The following GSE1 variants were observed in gnomAD, a reference collection of about 807,000 sequenced individuals.
The protein encoded by GSE1 is genetic suppressor element 1.
In GSE1, 32 loss-of-function variants were observed where a neutral mutation model predicts 112.6. The observed-to-expected ratio is 0.28, with a 90% CI of 0.21 to 0.38. The LOEUF is 0.38. GSE1 is among the 10% of genes least tolerant of loss of function. The probability of loss-of-function intolerance (pLI) is 1.00; values close to 1 mark genes in which losing one functional copy is unlikely to be tolerated. For missense variants in GSE1, 2,348 were observed against 1,699.2 expected (o/e 1.38, Z -6.71); for synonymous variants, 1,115 against 735.6 (o/e 1.52, Z -8.35).
chr16:85,408,492 T>C (rs1453549661), intron 2 of GSE1, among the ~76,000 whole-genome samples: 3 of 52,516 alleles, frequency 5.7e-5, no homozygotes, highest in African/African-American at 1.6e-4. Context: ...TCAGGGCACC[T>C]GGATAATCCT....
intron 2 of GSE1, among the ~76,000 whole-genome samples, chr16:85,412,916 C>T (rs1025842927): frequency 3.9e-5 from 6 of 152,224 alleles, no homozygotes; most frequent in Non-Finnish European, 8.8e-5. Flanking sequence ...CAGCCCACCC[C>T]AGCCCCTGTG....
intron 1 of GSE1, among the ~76,000 whole-genome samples, chr16:85,220,563 C>T (rs1375091588): frequency 1.3e-5 from 2 of 152,168 alleles, no homozygotes; most frequent in Non-Finnish European, 2.9e-5. Flanking sequence ...GTCAAACCAC[C>T]TCTTCCCCTC....
intron 2 of GSE1, among the ~76,000 whole-genome samples, chr16:85,417,964 G>A (rs550102544): frequency 5.9e-5 from 9 of 152,266 alleles, no homozygotes; most frequent in African/African-American, 1.2e-4. Context: ...TCAGCCTTCC[G>A]AGTAGCTGGG....
intron 1 of GSE1, among the ~76,000 whole-genome samples, chr16:85,322,027 G>A (rs1444604763): frequency 6.6e-6 from 1 of 152,240 alleles, no homozygotes; most frequent in Non-Finnish European, 1.5e-5. Flanking sequence ...TGCCTGGGCA[G>A]TGACCATTGC....
chr16:85,663,666 T>A, intron 11 of GSE1, 52 bp downstream of exon 11: 1 of 1,559,682 alleles, frequency 6.4e-7, no homozygotes, highest in Non-Finnish European at 8.7e-7. Flanking sequence ...TGGAAGTGGG[T>A]TTCTGAAGCA....
At position 85,661,300 on chromosome 16, in the gene GSE1, C is replaced by G; in HGVS notation, c.1795C>G (p.Arg599Gly). The change falls in exon 9 of 16, where the codon CGG (arginine) becomes GGG (glycine). Residue 599 changes from arginine (R) to glycine (G), a missense_variant. Physicochemically the swap from Arg to Gly is moderately radical, Grantham distance 125 (BLOSUM62 -2). Coordinates refer to ENST00000253458, the MANE Select transcript of GSE1 (RefSeq NM_014615.5). ...SLMDNTLETR[R>G]AESHSLHSHP... ...GATGGACAACACCTTGGAGACGCGGCGGGCCGAAAGCCACTCTCTGCACAG... is the reference window on the plus strand; with the variant it reads ...GATGGACAACACCTTGGAGACGCGGGGGGCCGAAAGCCACTCTCTGCACAG... The G allele has an allele frequency of 6.2e-7, 1 of 1,612,788 alleles. No individual in the cohort carries two copies. The highest frequency in any genetic ancestry group is 1.3e-5 in the African/African-American group (1 of 75,054).
intron 1 of GSE1, among the ~76,000 whole-genome samples, chr16:85,197,330 C>T (rs1016256611): frequency 6.6e-6 from 1 of 152,156 alleles, no homozygotes; most frequent in Non-Finnish European, 1.5e-5. Context: ...AGATGAGGCT[C>T]ACTAGCCACA....
In GSE1 at chr16:85,371,427, C is replaced by G. The variant is rs114823290; in HGVS notation, c.2464+13784C>G. ...GACTCGGTGAGGGTGTGCGTCCTGG[C>G]TGCAGGGGCTGTATGGGTGCAGATG... On this transcript the variant is annotated intron_variant, in intron 2 of 2. Coordinates refer to the GSE1 transcript ENST00000637419. Among the ~76,000 whole-genome samples, 713 of 152,292 alleles carry G rather than the reference C, an allele frequency of 4.7e-3. 7 individuals carry two copies. Among genetic ancestry groups the G allele is most frequent in the African/African-American group, 0.016 (669 of 41,568 alleles).
chr16:85,414,008 C>T (rs1002982944), intron 2 of GSE1, among the ~76,000 whole-genome samples: 2 of 152,194 alleles, frequency 1.3e-5, no homozygotes, highest in Non-Finnish European at 2.9e-5. Flanking sequence ...ATTGTAAGTT[C>T]CTGAGGCCTC....
At position 85,605,454 on chromosome 16, in the gene GSE1, C is replaced by G. The variant is rs952870955; in HGVS notation, c.38-43098C>G. Among the ~76,000 whole-genome samples the G allele has an allele frequency of 2.0e-5, 3 of 152,078 alleles. No individual in the cohort carries two copies. The East Asian group carries it at 5.8e-4, about 29-fold the overall frequency. On this transcript the variant is annotated intron_variant, in intron 1 of 2. Coordinates refer to the GSE1 transcript ENST00000635906. Reference sequence around the variant, plus strand: ...CTGCCACCTTTCCACTTCCTCCGCACAGCAAATGTAAGGGAATGCTTCTGA... The same window carrying G: ...CTGCCACCTTTCCACTTCCTCCGCAGAGCAAATGTAAGGGAATGCTTCTGA...
chr16:85,238,037 C>T (rs972951219), intron 1 of GSE1, among the ~76,000 whole-genome samples: 1 of 152,110 alleles, frequency 6.6e-6, no homozygotes, highest in Non-Finnish European at 1.5e-5. Flanking sequence ...GGGCTTGGCC[C>T]TGGGTAGGGG....
chr16:85,351,575 G>A (rs1439045091), intron 1 of GSE1, among the ~76,000 whole-genome samples: 1 of 152,138 alleles, frequency 6.6e-6, no homozygotes, highest in African/African-American at 2.4e-5. Flanking sequence ...TGATGAAAAT[G>A]TTCTGAAATG....
chr16:85,558,035 C>CGCACTT lies in GSE1; in HGVS notation c.37+1672_37+1673insGCACTT, dbSNP rs1302836100. ...AGCAAGCTTCGCTTTTCCCTCCCTC[C>CGCACTT]CCTAGCGGATCCAATCCAAATTAGA... On this transcript the variant is annotated intron_variant, in intron 1 of 2. Coordinates refer to the GSE1 transcript ENST00000635906. Among the ~76,000 whole-genome samples the CGCACTT allele has an allele frequency of 5.3e-3, 813 of 152,266 alleles. 8 individuals carry two copies. Among genetic ancestry groups the CGCACTT allele is most frequent in the African/African-American group, 0.019 (778 of 41,554 alleles).
intron 14 of GSE1, 25 bp from the exon 15 acceptor site, chr16:85,670,969 TA>T: frequency 6.9e-7 from 1 of 1,444,536 alleles, no homozygotes; most frequent in East Asian, 2.3e-5. Flanking sequence ...ATACGGAAAA[TA>T]CATCACCATC....
chr16:85,496,175 C>G (rs897403784), intron 2 of GSE1, among the ~76,000 whole-genome samples: 24 of 152,188 alleles, frequency 1.6e-4, no homozygotes, highest in Non-Finnish European at 2.9e-4. Context: ...ACCTCGCTCC[C>G]CAGAGGTGAG....
At chr16:85,448,169 A>T (rs1160618406) in intron 2 of GSE1, among the ~76,000 whole-genome samples, 1 of 152,220 alleles carries the variant, frequency 6.6e-6, no homozygotes. Context: ...GAAGATCCAG[A>T]TAATAATGAT....
chr16:85,430,914 C>T (rs1056322732), intron 2 of GSE1, among the ~76,000 whole-genome samples: 6 of 152,206 alleles, frequency 3.9e-5, no homozygotes, highest in Non-Finnish European at 7.3e-5. Flanking sequence ...GCCTGCGTTC[C>T]CACCCAGCTC....
upstream of GSE1, chr16:85,555,950 C>T (rs1170982444): frequency 3.0e-6 from 3 of 984,394 alleles, no homozygotes; most frequent in East Asian, 2.3e-4. Context: ...CCGCGCTCCC[C>T]CCTCCTTTTT....
In GSE1 at chr16:85,668,273, A is replaced by C; in HGVS notation, c.3264A>C (p.Ala1088=). Residue 1088 remains alanine, a synonymous_variant, in exon 14 of 16, where the codon GCA becomes GCC. Coordinates refer to ENST00000253458, the MANE Select transcript of GSE1 (RefSeq NM_014615.5). Reference sequence around the variant, plus strand: ...ATGGGCAGCAGGAGCCCCCCACTGCAAGGAAGGGCCCCCCAACCCAGGAGT... The same window carrying C: ...ATGGGCAGCAGGAGCCCCCCACTGCCAGGAAGGGCCCCCCAACCCAGGAGT... ...QHNGQQEPPT[A]RKGPPTQELD... 6.2e-7 allele frequency: 1 copy of C among 1,613,266 alleles called. No individual in the cohort carries two copies. The highest frequency in any genetic ancestry group is 8.5e-7 in the Non-Finnish European group (1 of 1,179,348).
Sources: gnomAD v4.1 joint callset for allele counts (sites outside exome capture counted in the v4.1 genomes callset) on GRCh38, gnomAD v4.1.1 for gene constraint, MANE v1.5 for transcripts, NCBI Gene and HGNC (gene_info 2026-07-23, HGNC 2026-07-21) for gene names.